Variants in ZNF512B observed in about 807,000 individuals in gnomAD.
ZNF512B encodes the protein zinc finger protein 512B.
In ZNF512B, 22 loss-of-function variants were observed where a neutral mutation model predicts 87.8. The ratio of observed to expected loss-of-function variants is 0.25; its 90% CI spans 0.18 to 0.36. The LOEUF (loss-of-function observed/expected upper bound fraction) is 0.36. ZNF512B is among the 10% of genes least tolerant of loss of function. The pLI is 1.00. For missense variants in ZNF512B, 1,060 were observed against 1,231.6 expected (o/e 0.86, Z 2.09); for synonymous variants, 524 against 490.9 (o/e 1.07, Z -0.89).
At chr20:63,962,985 AAC>A in intron 12 of ZNF512B, 108 bp downstream of exon 12, 1 of 1,379,904 alleles carries the variant, frequency 7.2e-7, no homozygotes, top group South Asian at 1.5e-5. Context: ...AGGGGTGGGA[AAC>A]ACACGCGTTG....
intron 3 of ZNF512B, 57 bp downstream of exon 3, chr20:63,967,324 A>C: frequency 6.5e-7 from 1 of 1,537,508 alleles, no homozygotes; most frequent in Non-Finnish European, 8.8e-7. Context: ...AGGGCAGGGC[A>C]GTGGCTGGAT....
At position 63,969,912 on chromosome 20, in the gene ZNF512B, C is replaced by G. The variant is rs1360737846; in HGVS notation, c.-101G>C. On this transcript the variant is annotated 5_prime_UTR_variant, in exon 1 of 17. Coordinates refer to ENST00000369888, the MANE Select transcript of ZNF512B (RefSeq NM_020713.3). ...TCCGGGCGGCGCAGGCTGCGCGCCG[C>G]GCTGCGCACATGCGCGCTCCCGCCC... 6.8e-6 allele frequency: 1 copy of G among 147,590 alleles called. No homozygotes were observed. The highest frequency in any genetic ancestry group is 1.5e-5 in the Non-Finnish European group (1 of 66,342). 9.1% of individuals were successfully genotyped at this position (147,590 alleles called of 1,614,324 possible). A position where few individuals can be genotyped will look rare whatever the true frequency, so the allele number is the denominator to read the frequency against.
At chr20:63,967,183 T>C (rs73316614) in intron 3 of ZNF512B, among the ~76,000 whole-genome samples, 179 bp from the exon 4 acceptor site, 5,248 of 152,296 alleles carry the variant, frequency 0.034, 297 homozygotes, top group African/African-American at 0.12. Context: ...AGACCCGTTC[T>C]AGGAGCCCAC....
Position 63,959,522 on chromosome 20 carries a change from G to T in ZNF512B, c.*366C>A. 1 of 264,916 alleles carries T rather than the reference G, an allele frequency of 3.8e-6. No individual in the cohort carries two copies. The highest frequency in any genetic ancestry group is 7.1e-6 in the Non-Finnish European group (1 of 141,084). 16.4% of individuals were successfully genotyped at this position (264,916 alleles called of 1,614,324 possible). A position where few individuals can be genotyped will look rare whatever the true frequency, so the allele number is the denominator to read the frequency against. Reference sequence around the variant, plus strand: ...GGATGCCTGAGCCTTGGGGTAGCCAGGGAAGGGACCCGGCAGGGCCTGAGG... The same window carrying T: ...GGATGCCTGAGCCTTGGGGTAGCCATGGAAGGGACCCGGCAGGGCCTGAGG... On this transcript the variant is annotated 3_prime_UTR_variant, in exon 17 of 17. Coordinates refer to ENST00000369888, the MANE Select transcript of ZNF512B (RefSeq NM_020713.3).
rs1022377340 is a variant in ZNF512B at position 63,961,981 on chromosome 20, G to A, written c.2289C>T (p.Ser763=). The change falls in exon 15 of 17, where the codon AGC becomes AGT. Residue 763 remains serine, a synonymous_variant. Transcript: ENST00000369888. This position sits in a 1 kb window ranked among gnomAD's most constrained non-coding sequence, Gnocchi z 6.4. ...CGAGATGAGCCTTGAGTCCGGACAC[G>A]CTGGAGTAGATGGCTTCACAGCACT... ...PNDCCEAIYS[S]VSGLKAHLAS... 6.7e-5 allele frequency: 104 copies of A among 1,551,054 alleles called. No homozygotes were observed. The highest frequency in any genetic ancestry group is 1.7e-4 in the Middle Eastern group (1 of 5,988).
In ZNF512B at chr20:63,958,924, G is replaced by A. The variant is rs1267294129; in HGVS notation, c.*964C>T. On this transcript the variant is annotated 3_prime_UTR_variant, in exon 17 of 17. Transcript: ENST00000369888. ...GACAGAAGGCTGCCTTTCCCCCAGTGGCCACTCAGAGCCAGGCCAGCTCTG... is the reference window on the plus strand; with the variant it reads ...GACAGAAGGCTGCCTTTCCCCCAGTAGCCACTCAGAGCCAGGCCAGCTCTG... 2 of 152,474 alleles carry A rather than the reference G, an allele frequency of 1.3e-5. No homozygotes were observed. The highest frequency in any genetic ancestry group is 4.8e-5 in the African/African-American group (2 of 41,466). The allele number at this position is 152,474 out of a possible 1,614,324, so 9.4% of individuals were successfully genotyped here.
chr20:63,964,626 G>T lies in ZNF512B; in HGVS notation c.1125C>A (p.Ser375Arg). ...GEYGPSSMGQSSAFQLSADTS... is the reference protein window; with the variant it reads ...GEYGPSSMGQRSAFQLSADTS... ...TGTCTGCACTCAGCTGGAAGGCCGA[G>T]CTCTGGCCCATGGAGGAGGGGCCGT... The change falls in exon 6 of 17, where the codon AGC becomes AGA. Residue 375 changes from serine to arginine, a missense_variant. Around this residue, in one of 9 missense-constraint regions of ZNF512B, gnomAD observed 212 missense variants for 207.6 expected, o/e 1.02. Coordinates refer to ENST00000369888, the MANE Select transcript of ZNF512B (RefSeq NM_020713.3). 6.2e-7 allele frequency: 1 copy of T among 1,613,098 alleles called. No homozygotes were observed.
Position 63,960,031 on chromosome 20 carries a change from G to T in ZNF512B, c.2536C>A (p.Arg846=). 1.9e-6 allele frequency: 3 copies of T among 1,613,794 alleles called. No homozygotes were observed. Among genetic ancestry groups the T allele is most frequent in the Non-Finnish European group, 2.5e-6 (3 of 1,180,022 alleles). ...KNLAGGKKRG[R]KPKERTPEEP... ...TCTGGGGTCCGCTCCTTGGGCTTTCGGCCCCGCTTCTTTCCACCTGCCAGA... is the reference window on the plus strand; with the variant it reads ...TCTGGGGTCCGCTCCTTGGGCTTTCTGCCCCGCTTCTTTCCACCTGCCAGA... Residue 846 remains arginine (R), a synonymous_variant, in exon 17 of 17, where the codon CGA becomes AGA. Transcript: ENST00000369888.
At chr20:63,963,502 G>A (rs895535515) in intron 10 of ZNF512B, 62 bp from the exon 11 acceptor site, 74 of 1,555,510 alleles carry the variant, frequency 4.8e-5, no homozygotes, top group African/African-American at 3.5e-4. Context: ...CCCTGGCCCC[G>A]CCCCGCCCAG....
chr20:63,963,609 C>G lies in ZNF512B; in HGVS notation c.1698+9G>C. 6.2e-7 allele frequency: 1 copy of G among 1,613,204 alleles called. No homozygotes were observed. Among genetic ancestry groups the G allele is most frequent in the Non-Finnish European group, 8.5e-7 (1 of 1,179,912 alleles). On this transcript the variant is annotated intron_variant, in intron 10 of 16. Coordinates refer to ENST00000369888, the MANE Select transcript of ZNF512B (RefSeq NM_020713.3). Reference sequence around the variant, plus strand: ...TCACGCTGGACGGGAGCTGGGGGCCCGACGGTACCTTGGCACTGTGCTCGG... The same window carrying G: ...TCACGCTGGACGGGAGCTGGGGGCCGGACGGTACCTTGGCACTGTGCTCGG...
Position 63,961,153 on chromosome 20 carries a change from T to G in ZNF512B, c.2427+156A>C, listed in dbSNP as rs1376569613. Among the ~76,000 whole-genome samples the G allele has an allele frequency of 6.6e-6, 1 of 152,130 alleles. No individual in the cohort carries two copies. Among genetic ancestry groups the G allele is most frequent in the Non-Finnish European group, 1.5e-5 (1 of 67,996 alleles). On this transcript the variant is annotated intron_variant, in intron 16 of 16. Transcript: ENST00000369888. The surrounding 1 kb of genome is among the most constrained non-coding windows in gnomAD (Gnocchi z 6.4). ...TCTCCCAGGGAAGCCAGACCCCACTTTGAGGAGAAACTACCAGATTTCTCC... is the reference window on the plus strand; with the variant it reads ...TCTCCCAGGGAAGCCAGACCCCACTGTGAGGAGAAACTACCAGATTTCTCC...
In ZNF512B at chr20:63,963,931, G is replaced by T. The variant is rs369358840; in HGVS notation, c.1481-18C>A. On this transcript the variant is annotated intron_variant, in intron 8 of 16. Transcript: ENST00000369888. ...AGGGCCACCTGTGGGTAAGGCAGGG[G>T]CCTCGAAGGCTTGTGGGGGCTGCTG... is the stretch of plus-strand genomic sequence containing the variant. 113 of 1,606,834 alleles carry T rather than the reference G, an allele frequency of 7.0e-5. No individual in the cohort carries two copies. The highest frequency in any genetic ancestry group is 9.2e-5 in the Non-Finnish European group (109 of 1,179,884).
At position 63,963,458 on chromosome 20, in the gene ZNF512B, A is replaced by G; in HGVS notation, c.1699-18T>C. 1 of 1,546,054 alleles carries G rather than the reference A, an allele frequency of 6.5e-7. No individual in the cohort carries two copies. The highest frequency in any genetic ancestry group is 8.7e-7 in the Non-Finnish European group (1 of 1,149,802). On this transcript the variant is annotated intron_variant, in intron 10 of 16. Coordinates refer to ENST00000369888, the MANE Select transcript of ZNF512B (RefSeq NM_020713.3). ...TCAGAGGGCTGGGGACAGGGTGAGC[A>G]TCGGTGACCCGGCACCATCGCCACG...
intron 14 of ZNF512B, 26 bp downstream of exon 14, chr20:63,962,247 C>T (rs772884549): frequency 5.0e-6 from 8 of 1,586,130 alleles, no homozygotes; most frequent in Admixed American, 3.4e-5. Context: ...GCTCCCCACG[C>T]CCCCCACCCG....
chr20:63,962,198 C>T, intron 14 of ZNF512B, 75 bp downstream of exon 14: 21 of 1,481,202 alleles, frequency 1.4e-5, no homozygotes, highest in Non-Finnish European at 1.8e-5. Flanking sequence ...AGCCTCTGTT[C>T]CTGCTCAGAG....
Position 63,964,334 on chromosome 20 carries a change from G to A in ZNF512B, c.1319C>T (p.Thr440Ile). ...FTGEQPSISG[T>I]FGLKGLVKAE... The stretch of plus-strand genomic sequence containing the variant: ...TGGGGTCTTACCTTTGAGCCCAAAG[G>A]TCCCTGAGATGGATGGCTGCTCCCC... The change falls in exon 7 of 17, where the codon ACC becomes ATC. Residue 440 changes from threonine (T) to isoleucine (I), a missense_variant. By Grantham distance (89) the Thr-to-Ile change is moderately conservative. Coordinates refer to ENST00000369888, the MANE Select transcript of ZNF512B (RefSeq NM_020713.3). 1 of 1,613,942 alleles carries A rather than the reference G, an allele frequency of 6.2e-7. No homozygotes were observed. Among genetic ancestry groups the A allele is most frequent in the Non-Finnish European group, 8.5e-7 (1 of 1,179,946 alleles).
Position 63,964,497 on chromosome 20 carries a change from T to G in ZNF512B, c.1254A>C (p.Thr418=). 1 of 1,613,026 alleles carries G rather than the reference T, an allele frequency of 6.2e-7. No individual in the cohort carries two copies. ...ASPPEEDPER[T]KHRRKQKTPK... is the part of the protein sequence containing the mutation. The stretch of plus-strand genomic sequence containing the variant: ...CTGGAGCTCTCATCTTACTGTGCTT[T>G]GTGCGCTCCGGGTCCTCCTCAGGCG... The change falls in exon 6 of 17, where the codon ACA becomes ACC. Residue 418 remains threonine (T), a synonymous_variant. Transcript: ENST00000369888.
In ZNF512B at chr20:63,967,911, C is replaced by T; in HGVS notation, c.40G>A (p.Gly14Arg). The change falls in exon 2 of 17, where the codon GGG (glycine) becomes AGG (arginine). Residue 14 changes from glycine (G) to arginine (R), a missense_variant. By Grantham distance (125) the Gly-to-Arg change is moderately radical (BLOSUM62 -2). Transcript: ENST00000369888. ...PFCVGGRRLPGSSKSGPGKDG... is the reference protein window; with the variant it reads ...PFCVGGRRLPRSSKSGPGKDG... ...TTCCCGGGACCACTCTTGCTGGACC[C>T]CGGGAGCCGACGGCCTCCAACGCAG... 1 of 1,612,766 alleles carries T rather than the reference C, an allele frequency of 6.2e-7. No individual in the cohort carries two copies. Among genetic ancestry groups the T allele is most frequent in the Non-Finnish European group, 8.5e-7 (1 of 1,179,522 alleles).
Position 63,959,781 on chromosome 20 carries a change from C to CGGGGGGG in ZNF512B, c.*106_*107insCCCCCCC, listed in dbSNP as rs2058829019. On this transcript the variant is annotated 3_prime_UTR_variant, in exon 17 of 17. Transcript: ENST00000369888. ...CTGCCCCACTGGACGGATGAAGAGG[C>CGGGGGGG]GGGGGTGGGGGATGGAGAACTGGAG... The CGGGGGGG allele has an allele frequency of 1.5e-6, 2 of 1,368,044 alleles. No individual in the cohort carries two copies. Among genetic ancestry groups the CGGGGGGG allele is most frequent in the Non-Finnish European group, 9.4e-7 (1 of 1,058,272 alleles). 84.7% of individuals were successfully genotyped at this position (1,368,044 alleles called of 1,614,324 possible).
Sources: gnomAD v4.1 joint callset for allele counts (sites outside exome capture counted in the v4.1 genomes callset) on GRCh38, gnomAD v4.1.1 for gene constraint, gnomAD v4.1.1 regional missense constraint, Gnocchi (gnomAD v3.1) non-coding constraint, MANE v1.5 for transcripts, NCBI Gene and HGNC (gene_info 2026-07-23, HGNC 2026-07-21) for gene names.